The following NRP1 variants were observed in gnomAD, a reference collection of about 807,000 sequenced individuals.
NRP1 encodes the protein neuropilin 1, also known as neuropilin-1.
NRP1 carries 35 observed loss-of-function variants against 106.7 expected under a neutral mutation model. The observed-to-expected ratio is 0.33, with a 90% CI of 0.25 to 0.43. NRP1 has a LOEUF of 0.43. Ranked by LOEUF, NRP1 falls within the 20% of genes least tolerant of loss-of-function variation. The pLI is 1.00. For missense variants in NRP1, 1,024 were observed against 1,170.4 expected, an observed-to-expected ratio of 0.87 and a Z score of 1.83; for synonymous variants, 437 against 417.9, an observed-to-expected ratio of 1.05 and a Z score of -0.56.
intron 7 of NRP1, among the ~76,000 whole-genome samples, chr10:33,225,564 G>A (rs556563324): frequency 4.0e-4 from 61 of 152,302 alleles, no homozygotes; most frequent in African/African-American, 7.9e-4. Context: ...CGAGGGACAC[G>A]GTATGGTCTG....
At chr10:33,298,100 G>A (rs1226982778) in intron 2 of NRP1, among the ~76,000 whole-genome samples, 2 of 152,104 alleles carry the variant, frequency 1.3e-5, no homozygotes, top group Non-Finnish European at 2.9e-5. Flanking sequence ...TGAGATCTTG[G>A]GATCCTCTGG....
chr10:33,180,711 C>T (rs1835631934), intron 16 of NRP1, among the ~76,000 whole-genome samples: 1 of 152,200 alleles, frequency 6.6e-6, no homozygotes. Flanking sequence ...AATGCTTAGT[C>T]ACACATTAGT....
intron 2 of NRP1, among the ~76,000 whole-genome samples, chr10:33,296,864 A>G (rs536255345): frequency 2.0e-5 from 3 of 152,258 alleles, no homozygotes; most frequent in African/African-American, 7.2e-5. Flanking sequence ...CCCCGCCTCT[A>G]CTAAAAATAC....
At chr10:33,207,762 G>A (rs779191260) in intron 9 of NRP1, 46 bp from the exon 10 acceptor site, 2 of 1,586,318 alleles carry the variant, frequency 1.3e-6, no homozygotes, top group Admixed American at 1.8e-5. Context: ...AAAAAAAACA[G>A]AGCTCCCTTT....
rs1836872743 is a variant in NRP1 at position 33,197,563 on chromosome 10, C to A, written c.1924+87G>T. The stretch of plus-strand genomic sequence containing the variant: ...CTGTGTGGCATCTCTCCTTCTAGGA[C>A]TTTCAGAGAAACTGAAAGCGAGGAG... On this transcript the variant is annotated intron_variant, in intron 12 of 16. Transcript: ENST00000374867. 5.7e-6 allele frequency: 6 copies of A among 1,045,768 alleles called. No individual in the cohort carries two copies. The South Asian group carries it at 6.7e-5, about 12-fold the overall frequency. The allele number at this position is 1,045,768 out of a possible 1,614,324, so 64.8% of individuals were successfully genotyped here. A position where few individuals can be genotyped will look rare whatever the true frequency, so the allele number is the denominator to read the frequency against.
chr10:33,228,504 C>T (rs1055447002), intron 6 of NRP1, among the ~76,000 whole-genome samples: 4 of 152,216 alleles, frequency 2.6e-5, no homozygotes, highest in African/African-American at 9.6e-5. Flanking sequence ...TCAATTAATT[C>T]TCCAGTGCCC....
intron 10 of NRP1, among the ~76,000 whole-genome samples, chr10:33,207,312 CT>C (rs61760422): frequency 7.3e-5 from 11 of 150,992 alleles, no homozygotes; most frequent in Middle Eastern, 3.4e-3. Flanking sequence ...TATAAATTAT[CT>C]TTTTTTTTAA....
At chr10:33,181,440 C>T (rs985954858) in intron 16 of NRP1, among the ~76,000 whole-genome samples, 4 of 152,168 alleles carry the variant, frequency 2.6e-5, no homozygotes, top group East Asian at 1.9e-4. Flanking sequence ...ATGAAGTCCA[C>T]GGCTGGCCAT....
At chr10:33,282,586 G>C (rs925197194) in intron 2 of NRP1, among the ~76,000 whole-genome samples, 1 of 152,082 alleles carries the variant, frequency 6.6e-6, no homozygotes, top group Non-Finnish European at 1.5e-5. Context: ...AACTAAGGGA[G>C]ATTATTTATT....
At chr10:33,332,878 A>AGT (rs34920873) in intron 1 of NRP1, among the ~76,000 whole-genome samples, 89,764 of 149,904 alleles carry the variant, frequency 0.6, 28,460 homozygotes, top group Non-Finnish European at 0.7. Flanking sequence ...AAAACTAAGA[A>AGT]GTGTGTGTGT....
chr10:33,300,552 G>C (rs1845730307), intron 2 of NRP1, among the ~76,000 whole-genome samples: 1 of 152,112 alleles, frequency 6.6e-6, no homozygotes, highest in Non-Finnish European at 1.5e-5. Flanking sequence ...AATGCTGGTG[G>C]GAAAGGAAAA....
At chr10:33,224,863 T>C (rs2269095) in intron 7 of NRP1, among the ~76,000 whole-genome samples, 48,010 of 152,032 alleles carry the variant, frequency 0.32, 7,814 homozygotes, top group East Asian at 0.61. Context: ...TAAAAAGAAA[T>C]GGCCTGACAG....
At chr10:33,305,534 C>T (rs563822553) in intron 2 of NRP1, among the ~76,000 whole-genome samples, 7 of 151,952 alleles carry the variant, frequency 4.6e-5, no homozygotes, top group Non-Finnish European at 7.4e-5. Context: ...ATCGTTGTCT[C>T]GGGAATCCTG....
At chr10:33,221,970 C>T (rs529219190) in intron 7 of NRP1, 107 bp from the exon 8 acceptor site, 21 of 1,253,020 alleles carry the variant, frequency 1.7e-5, no homozygotes, top group Admixed American at 3.9e-5. Flanking sequence ...TCAGTGTTGT[C>T]GATCAAGGAT....
chr10:33,333,444 T>C (rs1323482560), intron 1 of NRP1, among the ~76,000 whole-genome samples: 2 of 152,216 alleles, frequency 1.3e-5, no homozygotes, highest in Non-Finnish European at 2.9e-5. Context: ...AAGTAGTGGA[T>C]GTTCTTTTCT....
chr10:33,221,715 T>A lies in NRP1; in HGVS notation c.1282+4A>T. The stretch of plus-strand genomic sequence containing the variant: ...GATTCAGTCTTCAATCTTCCACAGC[T>A]TACCTGTTATCTTGCAACCGTATAC... On this transcript the variant is annotated splice_donor_region_variant and intron_variant, in intron 8 of 16. Transcript: ENST00000374867. The A allele has an allele frequency of 1.2e-6, 2 of 1,612,600 alleles. No individual in the cohort carries two copies. Among genetic ancestry groups the A allele is most frequent in the Non-Finnish European group, 1.7e-6 (2 of 1,178,650 alleles).
rs186872529 is a variant in NRP1, at chr10:33,274,781, G to A, written c.249-3925C>T. 7.9e-5 allele frequency among the ~76,000 whole-genome samples: 12 copies of A among 152,216 alleles called. No individual in the cohort carries two copies. In the East Asian group the frequency reaches 2.3e-3, roughly 29 times the overall value. ...GTGTCTTTTTAATCTCCTTCCAAGAGGACCTCCCCCCACTGGCATAGTACA... is the reference window on the plus strand; with the variant it reads ...GTGTCTTTTTAATCTCCTTCCAAGAAGACCTCCCCCCACTGGCATAGTACA... On this transcript the variant is annotated intron_variant, in intron 2 of 16. Coordinates refer to ENST00000374867, the MANE Select transcript of NRP1 (RefSeq NM_003873.7).
chr10:33,194,683 T>G (rs1193432615), intron 12 of NRP1: 1 of 503,366 alleles, frequency 2.0e-6, no homozygotes, highest in Non-Finnish European at 4.1e-6. Flanking sequence ...ATGTAACTTG[T>G]GGCAATTTGG....
chr10:33,180,425 C>G (rs998733853), intron 16 of NRP1, 60 bp from the exon 17 acceptor site: 2 of 1,486,326 alleles, frequency 1.3e-6, no homozygotes, highest in African/African-American at 1.4e-5. Flanking sequence ...TGAAAGCAGA[C>G]AGAAAAATAG....
Sources: gnomAD v4.1 joint callset for allele counts (sites outside exome capture counted in the v4.1 genomes callset) on GRCh38, gnomAD v4.1.1 for gene constraint, MANE v1.5 for transcripts, NCBI Gene and HGNC (gene_info 2026-07-23, HGNC 2026-07-21) for gene names.